Variants in CNTN5 observed in about 807,000 individuals in gnomAD.
CNTN5 encodes contactin-5.
In CNTN5, 77 loss-of-function variants were observed where a neutral mutation model predicts 129.1. The observed-to-expected ratio is 0.60, with a 90% confidence interval of 0.50 to 0.72. The LOEUF is 0.72. Among genes scored for constraint, CNTN5 ranks in the 30% least tolerant of loss-of-function variants. The probability of loss-of-function intolerance (pLI) is 0.00; values close to 1 mark genes in which losing one functional copy is unlikely to be tolerated. For missense variants in CNTN5, 1,478 were observed against 1,328.8 expected (o/e 1.11, Z -1.75); for synonymous variants, 509 against 465.6 (o/e 1.09, Z -1.20).
intron 1 of CNTN5, among the ~76,000 whole-genome samples, chr11:99,204,463 A>G (rs1259104964): frequency 6.6e-6 from 1 of 152,172 alleles, no homozygotes; most frequent in African/African-American, 2.4e-5. Context: ...TGAACCTAAT[A>G]TTGACATACC....
intron 3 of CNTN5, among the ~76,000 whole-genome samples, chr11:99,621,481 G>A (rs1950948221): frequency 6.6e-6 from 1 of 152,070 alleles, no homozygotes; most frequent in African/African-American, 2.4e-5. Flanking sequence ...ACAGCTACAA[G>A]TAGTGAGAAC....
intron 20 of CNTN5, among the ~76,000 whole-genome samples, chr11:100,299,607 CACATCCTA>C (rs151101209): frequency 0.014 from 2,110 of 151,308 alleles, 16 homozygotes; most frequent in Non-Finnish European, 0.021. Context: ...TTAAGTTTTT[CACATCCTA>C]ACAATATATG....
intron 3 of CNTN5, among the ~76,000 whole-genome samples, chr11:99,716,703 A>C (rs113921962): frequency 1.3e-5 from 2 of 152,082 alleles, no homozygotes; most frequent in Non-Finnish European, 2.9e-5. Context: ...GTATGGGGGT[A>C]AGGATAGAGC....
chr11:99,718,349 A>C (rs539841349), intron 3 of CNTN5, among the ~76,000 whole-genome samples: 44 of 152,260 alleles, frequency 2.9e-4, no homozygotes, highest in African/African-American at 7.9e-4. Flanking sequence ...ATATATTGTT[A>C]TCCTACAAAT....
chr11:99,770,531 T>G (rs1944908361), intron 3 of CNTN5, among the ~76,000 whole-genome samples: 1 of 152,124 alleles, frequency 6.6e-6, no homozygotes, highest in African/African-American at 2.4e-5. Context: ...TCTGTTTTTC[T>G]CAATTGCTTA....
chr11:100,244,133 C>A (rs1040928259), intron 16 of CNTN5, among the ~76,000 whole-genome samples: 1 of 152,116 alleles, frequency 6.6e-6, no homozygotes, highest in Non-Finnish European at 1.5e-5. Context: ...TGTTTAAGGT[C>A]TTCCCTTAAC....
At chr11:100,242,909 G>T (rs184873287) in intron 16 of CNTN5, among the ~76,000 whole-genome samples, 1 of 152,316 alleles carries the variant, frequency 6.6e-6, no homozygotes, top group African/African-American at 2.4e-5. Context: ...AATAATCATA[G>T]GCATTTAATA....
chr11:99,201,139 G>A (rs760736762), intron 1 of CNTN5, among the ~76,000 whole-genome samples: 17 of 148,322 alleles, frequency 1.1e-4, no homozygotes, highest in African/African-American at 1.5e-4. Flanking sequence ...ATTCTCCTGC[G>A]TCAGCCTCCT....
At chr11:100,204,345 A>ATATATAT (rs1948869894) in intron 15 of CNTN5, among the ~76,000 whole-genome samples, 9 of 38,232 alleles carry the variant, frequency 2.4e-4, no homozygotes, top group South Asian at 9.7e-4. Flanking sequence ...TATATATATA[A>ATATATAT]TTATAGGCAG....
intron 1 of CNTN5, among the ~76,000 whole-genome samples, chr11:99,316,994 G>T (rs1171339532): frequency 1.3e-5 from 2 of 152,134 alleles, no homozygotes; most frequent in African/African-American, 4.8e-5. Context: ...GAAAAGCAAG[G>T]AAGATCTTTT....
At chr11:99,679,579 G>C (rs949012916) in intron 3 of CNTN5, among the ~76,000 whole-genome samples, 3 of 152,268 alleles carry the variant, frequency 2.0e-5, no homozygotes, top group Admixed American at 1.3e-4. Context: ...CACTGCATGT[G>C]TTCTGACTGC....
chr11:100,148,409 A>AAAT (rs1381612154), intron 13 of CNTN5, among the ~76,000 whole-genome samples: 17 of 152,336 alleles, frequency 1.1e-4, no homozygotes, highest in Middle Eastern at 3.4e-3. Context: ...TGTGAAAGAC[A>AAAT]AATAGCCATA....
At chr11:99,237,650 C>G (rs567915248) in intron 1 of CNTN5, among the ~76,000 whole-genome samples, 1 of 151,478 alleles carries the variant, frequency 6.6e-6, no homozygotes, top group African/African-American at 2.4e-5. Flanking sequence ...CACCGCACCC[C>G]AGCCTGATGA....
intron 3 of CNTN5, among the ~76,000 whole-genome samples, chr11:99,721,893 GT>G (rs1231196459): frequency 6.6e-6 from 1 of 152,024 alleles, no homozygotes; most frequent in African/African-American, 2.4e-5. Context: ...AAAGCTCAAT[GT>G]CACTGATAGT....
At chr11:99,776,243 C>G (rs918815797) in intron 3 of CNTN5, among the ~76,000 whole-genome samples, 1 of 151,940 alleles carries the variant, frequency 6.6e-6, no homozygotes, top group Admixed American at 6.6e-5. Flanking sequence ...AAGCCACACA[C>G]ACAGCATCCT....
At chr11:99,388,952 A>C (rs10466603) in intron 2 of CNTN5, among the ~76,000 whole-genome samples, 5,119 of 149,188 alleles carry the variant, frequency 0.034, 284 homozygotes, top group African/African-American at 0.12. Flanking sequence ...AATATCTTTA[A>C]CTCAATTTAA....
chr11:99,210,938 T>A (rs1489259132), intron 1 of CNTN5, among the ~76,000 whole-genome samples: 1 of 152,144 alleles, frequency 6.6e-6, no homozygotes, highest in African/African-American at 2.4e-5. Context: ...AAAAACCCAA[T>A]AAATATTTGT....
At chr11:99,093,533 ATT>A (rs1298927932) in intron 1 of CNTN5, among the ~76,000 whole-genome samples, 3 of 151,550 alleles carry the variant, frequency 2.0e-5, no homozygotes, top group African/African-American at 4.8e-5. Context: ...TTCTTTTGAC[ATT>A]AAATGTGACC....
intron 2 of CNTN5, among the ~76,000 whole-genome samples, chr11:99,506,670 A>G (rs1946633721): frequency 1.3e-5 from 2 of 152,350 alleles, no homozygotes; most frequent in South Asian, 4.1e-4. Flanking sequence ...AGGAATTTCA[A>G]TGTAGTAACG....
Sources: gnomAD v4.1 joint callset for allele counts (sites outside exome capture counted in the v4.1 genomes callset) on GRCh38, gnomAD v4.1.1 for gene constraint, MANE v1.5 for transcripts, NCBI Gene and HGNC (gene_info 2026-07-23, HGNC 2026-07-21) for gene names.